Variants in AGL observed in about 807,000 individuals in gnomAD.
AGL encodes glycogen debranching enzyme.
A neutral mutation model predicts 199.3 loss-of-function variants in AGL; 128 were observed. The ratio of observed to expected loss-of-function variants is 0.64; its 90% CI spans 0.56 to 0.74. The LOEUF is 0.74. Ranked by LOEUF, AGL falls within the 30% of genes least tolerant of loss-of-function variation. AGL has a pLI of 0.00. For synonymous variants in AGL, 584 were observed against 594.7 expected, an observed-to-expected ratio of 0.98 and a Z score of 0.26; for missense variants, 1,809 against 1,820.8, an observed-to-expected ratio of 0.99 and a Z score of 0.12.
At position 99,884,416 on chromosome 1, in the gene AGL, T is replaced by G; in HGVS notation, c.2511T>G (p.Phe837Leu). 6.2e-7 allele frequency: 1 copy of G among 1,613,366 alleles called. No homozygotes were observed. Among genetic ancestry groups the G allele is most frequent in the Non-Finnish European group, 8.5e-7 (1 of 1,179,646 alleles). ...ATGAATATATTCAAGAAATAGAATTTGAAAACTTGTCTCCAGGAAGTGTTA... is the reference window on the plus strand; with the variant it reads ...ATGAATATATTCAAGAAATAGAATTGGAAAACTTGTCTCCAGGAAGTGTTA... ...GPNEYIQEIE[F>L]ENLSPGSVII... The change falls in exon 19 of 34, where the codon TTT becomes TTG. Residue 837 changes from phenylalanine (F) to leucine (L), a missense_variant. Phe to Leu is a conservative substitution (Grantham distance 22, BLOSUM62 0). Coordinates refer to ENST00000361915, the MANE Select transcript of AGL (RefSeq NM_000642.3).
At chr1:99,907,693 G>GTTTTTTTTTTTTTTTTTTTTTTTTTTTTT (rs71075465) in intron 27 of AGL, among the ~76,000 whole-genome samples, 15 of 118,950 alleles carry the variant, frequency 1.3e-4, no homozygotes, top group East Asian at 8.2e-4. Context: ...TTTGTTTTTT[G>GTTTTTTTTTTTTTTTTTTTTTTTTTTTTT]TTTTTTTTGC....
intron 27 of AGL, among the ~76,000 whole-genome samples, chr1:99,908,754 C>G (rs904519847): frequency 6.6e-6 from 1 of 152,114 alleles, no homozygotes; most frequent in African/African-American, 2.4e-5. Flanking sequence ...TGAAATCTTT[C>G]ATTTTACCAA....
At chr1:99,857,285 A>G (rs1442561001) in intron 2 of AGL, among the ~76,000 whole-genome samples, 1 of 150,948 alleles carries the variant, frequency 6.6e-6, no homozygotes, top group Non-Finnish European at 1.5e-5. Context: ...CTCACTTCCT[A>G]GATGGGATGG....
At chr1:99,866,705 G>A (rs628842) in intron 5 of AGL, among the ~76,000 whole-genome samples, 124,349 of 152,190 alleles carry the variant, frequency 0.82, 51,459 homozygotes, top group African/African-American at 0.96. Flanking sequence ...GAGACATTTG[G>A]GAGATTCTGT....
intron 23 of AGL, among the ~76,000 whole-genome samples, chr1:99,891,946 C>G (rs1402648931): frequency 1.3e-5 from 2 of 152,054 alleles, no homozygotes; most frequent in Non-Finnish European, 2.9e-5. Flanking sequence ...GTTCTAAAAG[C>G]TAATAAAACA....
intron 27 of AGL, among the ~76,000 whole-genome samples, chr1:99,907,554 ATTTT>A (rs1292948770): frequency 3.3e-5 from 5 of 152,114 alleles, no homozygotes; most frequent in Admixed American, 1.3e-4. Context: ...TGGCTGTGCC[ATTTT>A]ACACTCTTAC....
At chr1:99,906,347 T>C (rs1654291029) in intron 27 of AGL, among the ~76,000 whole-genome samples, 1 of 152,248 alleles carries the variant, frequency 6.6e-6, no homozygotes, top group Admixed American at 6.5e-5. Context: ...GTAGCAGATG[T>C]CATAATTTTA....
chr1:99,905,375 G>A (rs764491312), intron 27 of AGL, among the ~76,000 whole-genome samples: 2 of 105,270 alleles, frequency 1.9e-5, no homozygotes, highest in Non-Finnish European at 4.1e-5. Flanking sequence ...TTTTGTATTT[G>A]TTGTTGTTGT....
At chr1:99,858,351 G>A (rs1458788015) in intron 2 of AGL, among the ~76,000 whole-genome samples, 1 of 152,188 alleles carries the variant, frequency 6.6e-6, no homozygotes, top group Non-Finnish European at 1.5e-5. Context: ...AAAGTTAAGT[G>A]CTTTTTTGAA....
At chr1:99,906,881 A>G (rs974046446) in intron 27 of AGL, among the ~76,000 whole-genome samples, 4 of 152,172 alleles carry the variant, frequency 2.6e-5, no homozygotes, top group African/African-American at 9.7e-5. Flanking sequence ...TTTTATGTAT[A>G]TATACCCAAA....
In AGL at chr1:99,921,520, T is replaced by G; in HGVS notation, c.4482-14T>G. On this transcript the variant is annotated splice_polypyrimidine_tract_variant and intron_variant, in intron 33 of 33. Coordinates refer to ENST00000361915, the MANE Select transcript of AGL (RefSeq NM_000642.3). Reference sequence around the variant, plus strand: ...TAAATTATGTCTTTGTAAAATGTCTTTTCTTTCATTCAGATCCCCTTGGAA... The same window carrying G: ...TAAATTATGTCTTTGTAAAATGTCTGTTCTTTCATTCAGATCCCCTTGGAA... 1 of 1,561,760 alleles carries G rather than the reference T, an allele frequency of 6.4e-7. No homozygotes were observed. Among genetic ancestry groups the G allele is most frequent in the Non-Finnish European group, 8.8e-7 (1 of 1,132,898 alleles).
intron 2 of AGL, among the ~76,000 whole-genome samples, chr1:99,856,917 C>T (rs547008925): frequency 2.0e-4 from 31 of 152,256 alleles, no homozygotes; most frequent in Non-Finnish European, 4.3e-4. Flanking sequence ...CACAAAACCG[C>T]CGTCGTCATC....
Position 99,888,009 on chromosome 1 carries a change from A to T in AGL, c.2713A>T (p.Asn905Tyr). Residue 905 changes from asparagine (N) to tyrosine (Y), a missense_variant, in exon 21 of 34, where the codon AAT becomes TAT. Physicochemically the swap from Asn to Tyr is moderately radical, Grantham distance 143. Transcript: ENST00000361915. ...LASRLTLAEL[N>Y]QILYRCESEE... ...CTCCAGATTAACTTTGGCTGAGCTA[A>T]ATCAGATCCTTTACCGATGTGAATC... 1.2e-6 allele frequency: 2 copies of T among 1,613,552 alleles called. No homozygotes were observed. Among genetic ancestry groups the T allele is most frequent in the Non-Finnish European group, 1.7e-6 (2 of 1,179,640 alleles).
chr1:99,857,684 C>T lies in AGL; in HGVS notation c.83-3819C>T, dbSNP rs948500143. On this transcript the variant is annotated intron_variant, in intron 2 of 33. Transcript: ENST00000361915. ...AAAACCAGTCAGGCGTGGCGGCGCG[C>T]GCCTGCAATCGCAGGCACTCGGCAG... Among the ~76,000 whole-genome samples, 633 of 150,740 alleles carry T rather than the reference C, an allele frequency of 4.2e-3. 1 individual carries two copies. Among genetic ancestry groups the T allele is most frequent in the Non-Finnish European group, 5.5e-3 (369 of 67,608 alleles).
At position 99,913,583 on chromosome 1, in the gene AGL, GA is replaced by G; in HGVS notation, c.4010del (p.Lys1337SerfsTer12). The G allele has an allele frequency of 6.2e-7, 1 of 1,614,038 alleles. No individual in the cohort carries two copies. The highest frequency in any genetic ancestry group is 8.5e-7 in the Non-Finnish European group (1 of 1,179,986). ...GAACAGAAAAATACAAGACAACTTT[GA>G]AAAGCTATTTCATGTTTCCGAAGAC... is the stretch of plus-strand genomic sequence containing the variant. ...EWNRKIQDNF[E>X]KLFHVSEDPS... On this transcript the variant is annotated frameshift_variant, in exon 30 of 34. Transcript: ENST00000361915. LOFTEE classifies it high-confidence loss of function.
intron 7 of AGL, among the ~76,000 whole-genome samples, chr1:99,873,788 A>T (rs1044821698): frequency 6.6e-6 from 1 of 152,206 alleles, no homozygotes; most frequent in South Asian, 2.1e-4. Context: ...GATTTTAAGA[A>T]TTGATTTGTA....
At chr1:99,886,187 A>G (rs1040095225) in intron 20 of AGL, among the ~76,000 whole-genome samples, 1 of 152,200 alleles carries the variant, frequency 6.6e-6, no homozygotes, top group African/African-American at 2.4e-5. Context: ...TATAAGAAGT[A>G]AGACCTGGCT....
chr1:99,885,492 G>A (rs1652388862), intron 20 of AGL, among the ~76,000 whole-genome samples: 1 of 152,148 alleles, frequency 6.6e-6, no homozygotes, highest in Admixed American at 6.5e-5. Context: ...GACTGGTACT[G>A]GTCCATGGCC....
rs201262760 is a variant in AGL, at chr1:99,870,364, T to G, written c.665-36T>G. The G allele has an allele frequency of 9.1e-5, 144 of 1,586,014 alleles. No individual in the cohort carries two copies. The East Asian group carries it at 3.0e-3, about 34-fold the overall frequency. ...AACATAGATACAGTTTCAATTTAAT[T>G]ATGAGATACTCCTTTGTGTCTCCTT... On this transcript the variant is annotated intron_variant, in intron 5 of 33. Transcript: ENST00000361915.
Sources: allele counts gnomAD v4.1 joint callset (sites outside exome capture counted in the v4.1 genomes callset), GRCh38; gene constraint gnomAD v4.1.1; transcripts MANE v1.5; gene names NCBI Gene and HGNC (gene_info 2026-07-23, HGNC 2026-07-21).